Variants in IMMP2L observed in about 807,000 individuals in gnomAD.
The protein encoded by IMMP2L is mitochondrial inner membrane protease subunit 2.
In IMMP2L, 18 loss-of-function variants were observed where a neutral mutation model predicts 19.3. The observed-to-expected ratio is 0.93, with a 90% CI of 0.64 to 1.38. The LOEUF is 1.38. Among genes scored for constraint, IMMP2L ranks in the 40% most tolerant of loss-of-function variants. The pLI is 0.00. For synonymous variants in IMMP2L, 76 were observed against 73.0 expected (o/e 1.04, Z -0.21); for missense variants, 233 against 218.2 (o/e 1.07, Z -0.43).
chr7:111,027,201 A>G (rs748886533), intron 3 of IMMP2L, among the ~76,000 whole-genome samples: 1 of 152,146 alleles, frequency 6.6e-6, no homozygotes, highest in Non-Finnish European at 1.5e-5. Context: ...CAAACAACTC[A>G]GTATGGTAGA....
chr7:110,735,846 C>CAAA (rs59078426), intron 5 of IMMP2L, among the ~76,000 whole-genome samples: 592 of 47,566 alleles, frequency 0.012, 20 homozygotes, highest in African/African-American at 0.035. Context: ...CACTCTGCCT[C>CAAA]AAAAAAAAAA....
At chr7:111,290,998 G>A (rs1236906306) in intron 3 of IMMP2L, among the ~76,000 whole-genome samples, 1 of 151,880 alleles carries the variant, frequency 6.6e-6, no homozygotes, top group African/African-American at 2.4e-5. Context: ...ATTTGTGGGA[G>A]GAAAGAAGGA....
At chr7:111,052,696 T>G (rs1793109496) in intron 3 of IMMP2L, among the ~76,000 whole-genome samples, 1 of 152,204 alleles carries the variant, frequency 6.6e-6, no homozygotes, top group Admixed American at 6.5e-5. Context: ...CAGTCACTCA[T>G]ATTTGGCTCA....
intron 5 of IMMP2L, among the ~76,000 whole-genome samples, chr7:110,839,848 A>G (rs1804886917): frequency 6.6e-6 from 1 of 152,082 alleles, no homozygotes; most frequent in Non-Finnish European, 1.5e-5. Flanking sequence ...AAAGACTATC[A>G]TTGTTTCATT....
intron 2 of IMMP2L, among the ~76,000 whole-genome samples, chr7:111,517,244 T>C (rs1268691851): frequency 6.6e-6 from 1 of 152,116 alleles, no homozygotes; most frequent in African/African-American, 2.4e-5. Flanking sequence ...ATGTATGTTA[T>C]TGATGAACAA....
intron 3 of IMMP2L, among the ~76,000 whole-genome samples, chr7:111,148,746 G>A (rs935930185): frequency 1.3e-5 from 2 of 151,662 alleles, no homozygotes; most frequent in Admixed American, 6.6e-5. Context: ...GATGACATAC[G>A]TGTATGTGTG....
At chr7:110,748,492 C>T (rs554050939) in intron 5 of IMMP2L, among the ~76,000 whole-genome samples, 213 of 152,268 alleles carry the variant, frequency 1.4e-3, no homozygotes, top group African/African-American at 4.9e-3. Context: ...TACCTGACTT[C>T]AAACTACATT....
At chr7:111,272,232 T>C (rs538488411) in intron 3 of IMMP2L, among the ~76,000 whole-genome samples, 8 of 152,238 alleles carry the variant, frequency 5.3e-5, no homozygotes, top group African/African-American at 1.9e-4. Context: ...CACCTAACTA[T>C]GCTGGCCTTC....
intron 2 of IMMP2L, among the ~76,000 whole-genome samples, chr7:111,500,331 C>T (rs1844071998): frequency 6.6e-6 from 1 of 152,166 alleles, no homozygotes; most frequent in South Asian, 2.1e-4. Context: ...GCGGAGACTA[C>T]CACAGCTCAA....
At chr7:111,171,081 G>C (rs949513557) in intron 3 of IMMP2L, among the ~76,000 whole-genome samples, 4 of 151,670 alleles carry the variant, frequency 2.6e-5, no homozygotes, top group African/African-American at 9.7e-5. Flanking sequence ...TTACCTCTGA[G>C]AAATCAGTAT....
intron 3 of IMMP2L, among the ~76,000 whole-genome samples, chr7:111,242,796 A>T (rs977245896): frequency 6.6e-6 from 1 of 152,026 alleles, no homozygotes; most frequent in African/African-American, 2.4e-5. Context: ...CTAAAAACAC[A>T]AACAACAGAG....
chr7:111,269,109 A>G (rs1818169778), intron 3 of IMMP2L, among the ~76,000 whole-genome samples: 1 of 152,186 alleles, frequency 6.6e-6, no homozygotes, highest in Non-Finnish European at 1.5e-5. Flanking sequence ...TCTGAGATCC[A>G]TACCTAGTCA....
chr7:111,223,114 T>C (rs1014754011), intron 3 of IMMP2L, among the ~76,000 whole-genome samples: 2 of 151,972 alleles, frequency 1.3e-5, no homozygotes, highest in Admixed American at 6.6e-5. Context: ...TGAAAAACAC[T>C]ATATATATTT....
chr7:111,381,439 A>C (rs951309804), intron 3 of IMMP2L, among the ~76,000 whole-genome samples: 4 of 152,064 alleles, frequency 2.6e-5, no homozygotes, highest in African/African-American at 9.7e-5. Context: ...AAACTAGATC[A>C]AATAAACTAT....
chr7:111,418,519 G>A (rs544657328), intron 3 of IMMP2L, among the ~76,000 whole-genome samples: 6 of 151,656 alleles, frequency 4.0e-5, no homozygotes, highest in East Asian at 3.9e-4. Context: ...TTCAGCCTTC[G>A]GTACAAAAAG....
At chr7:110,826,203 A>C (rs1803472219) in intron 5 of IMMP2L, among the ~76,000 whole-genome samples, 2 of 152,138 alleles carry the variant, frequency 1.3e-5, no homozygotes, top group South Asian at 4.1e-4. Context: ...GCTGGAGAGG[A>C]TGTGGAGAAA....
At chr7:111,473,682 C>A (rs1323799376) in intron 3 of IMMP2L, among the ~76,000 whole-genome samples, 1 of 152,108 alleles carries the variant, frequency 6.6e-6, no homozygotes, top group Non-Finnish European at 1.5e-5. Context: ...GTGGTAGATT[C>A]AATATCAATA....
chr7:111,142,677 A>G (rs754931106), intron 3 of IMMP2L, among the ~76,000 whole-genome samples: 17 of 152,200 alleles, frequency 1.1e-4, no homozygotes, highest in Non-Finnish European at 1.9e-4. Flanking sequence ...AGTATGCATG[A>G]GAGCACATAT....
At chr7:111,527,867 T>G (rs1431949199) in intron 1 of IMMP2L, among the ~76,000 whole-genome samples, 1 of 151,462 alleles carries the variant, frequency 6.6e-6, no homozygotes, top group Non-Finnish European at 1.5e-5. Context: ...TGATATGTGC[T>G]GATCCTGCTC....
Sources: allele counts gnomAD v4.1 joint callset (sites outside exome capture counted in the v4.1 genomes callset), GRCh38; gene constraint gnomAD v4.1.1; transcripts MANE v1.5; gene names NCBI Gene and HGNC (gene_info 2026-07-23, HGNC 2026-07-21).